The following PLXNC1 variants were observed in gnomAD, a reference collection of about 807,000 sequenced individuals.
PLXNC1 encodes the protein plexin C1.
Under a neutral mutation model 178.2 loss-of-function variants are expected in PLXNC1, and 75 were observed. The ratio of observed to expected loss-of-function variants is 0.42; its 90% CI spans 0.35 to 0.51. The LOEUF (loss-of-function observed/expected upper bound fraction) is 0.51, where lower values mean the gene tolerates loss of function less well. PLXNC1 is among the 20% of genes least tolerant of loss of function. The pLI is 0.02. For synonymous variants in PLXNC1, 790 were observed against 779.9 expected (o/e 1.01, Z -0.22); for missense variants, 1,503 against 1,984.4 (o/e 0.76, Z 4.61).
chr12:94,253,743 G>A (rs752182622), intron 15 of PLXNC1, among the ~76,000 whole-genome samples: 1 of 151,426 alleles, frequency 6.6e-6, no homozygotes, highest in East Asian at 1.9e-4. Context: ...GCACGATCAC[G>A]GCTCACTGCA....
intron 22 of PLXNC1, 46 bp from the exon 23 acceptor site, chr12:94,282,252 T>C: frequency 7.8e-7 from 1 of 1,285,046 alleles, no homozygotes; most frequent in Non-Finnish European, 1.1e-6. Context: ...AGTAAAGTGG[T>C]GGCATTTTAA....
chr12:94,197,437 T>TCTCTC (rs1555198027), intron 4 of PLXNC1, among the ~76,000 whole-genome samples: 5,970 of 148,336 alleles, frequency 0.04, 267 homozygotes, highest in African/African-American at 0.11. Context: ...TTAGGCCCCT[T>TCTCTC]TCTCTCTCTC....
intron 1 of PLXNC1, 61 bp downstream of exon 1, chr12:94,150,094 C>T (rs1463759413): frequency 5.3e-6 from 7 of 1,327,404 alleles, no homozygotes; most frequent in Non-Finnish European, 7.1e-6. Flanking sequence ...CCGCCGCCGC[C>T]GAGGCAGAAC....
At chr12:94,171,427 C>T (rs1294833560) in intron 2 of PLXNC1, among the ~76,000 whole-genome samples, 7 of 152,140 alleles carry the variant, frequency 4.6e-5, no homozygotes, top group Admixed American at 1.3e-4. Flanking sequence ...TATCTTCTAC[C>T]GAATTCAGTC....
intron 23 of PLXNC1, among the ~76,000 whole-genome samples, chr12:94,292,010 T>C (rs1967384372): frequency 6.6e-6 from 1 of 152,246 alleles, no homozygotes; most frequent in Non-Finnish European, 1.5e-5. Context: ...ACTGGCTTCT[T>C]CGCGTGTTTT....
chr12:94,255,395 A>T lies in PLXNC1; in HGVS notation c.3087+99A>T, dbSNP rs903066446. The T allele has an allele frequency of 1.1e-5, 9 of 825,730 alleles. No individual in the cohort carries two copies. The Admixed American group carries it at 1.5e-4, about 14-fold the overall frequency. 51.2% of individuals were successfully genotyped at this position (825,730 alleles called of 1,614,324 possible). ...ACGAGTGTTTGCTTCCAAGGCAGCT[A>T]TAATGTGCTTGGTACAAAAATAATG... is the stretch of plus-strand genomic sequence containing the variant. On this transcript the variant is annotated intron_variant, in intron 17 of 30. Transcript: ENST00000258526.
At chr12:94,246,646 C>T (rs1383105671) in intron 12 of PLXNC1, among the ~76,000 whole-genome samples, 3 of 152,182 alleles carry the variant, frequency 2.0e-5, no homozygotes, top group African/African-American at 7.2e-5. Flanking sequence ...GTGATCCTCT[C>T]ACCTGCAATC....
intron 20 of PLXNC1, among the ~76,000 whole-genome samples, 183 bp from the exon 21 acceptor site, chr12:94,264,896 A>T (rs1308068890): frequency 2.6e-5 from 4 of 152,234 alleles, no homozygotes; most frequent in Non-Finnish European, 4.4e-5. Context: ...TGGAGAGAGG[A>T]GGCGGTTTTC....
chr12:94,282,460 C>T, intron 23 of PLXNC1, 59 bp downstream of exon 23: 1 of 1,144,558 alleles, frequency 8.7e-7, no homozygotes, highest in Admixed American at 1.9e-5. Context: ...GTCCCATGGA[C>T]ATTCTTTTAA....
Position 94,226,399 on chromosome 12 carries a change from G to A in PLXNC1, c.1791-206G>A, listed in dbSNP as rs1322162060. On this transcript the variant is annotated intron_variant, in intron 7 of 30. Transcript: ENST00000258526. ...GGTGACCCAGCTTCAGGTTTCCATGGCAACACCCCTGCAGGTGCCATTCCG... is the reference window on the plus strand; with the variant it reads ...GGTGACCCAGCTTCAGGTTTCCATGACAACACCCCTGCAGGTGCCATTCCG... The A allele has an allele frequency of 1.2e-5, 6 of 498,792 alleles. No individual in the cohort carries two copies. The East Asian group carries it at 2.2e-4, about 18-fold the overall frequency. 30.9% of individuals were successfully genotyped at this position (498,792 alleles called of 1,614,324 possible).
At chr12:94,172,251 C>A (rs912039766) in intron 2 of PLXNC1, among the ~76,000 whole-genome samples, 5 of 152,154 alleles carry the variant, frequency 3.3e-5, no homozygotes, top group African/African-American at 9.7e-5. Flanking sequence ...TCAGCCACAG[C>A]CTGACTCATC....
chr12:94,279,260 A>G (rs1466262373), intron 21 of PLXNC1, among the ~76,000 whole-genome samples: 1 of 152,214 alleles, frequency 6.6e-6, no homozygotes, highest in Non-Finnish European at 1.5e-5. Flanking sequence ...TGCTTGCTCT[A>G]TAATGAGAGT....
chr12:94,197,728 G>T (rs558151699), intron 4 of PLXNC1, among the ~76,000 whole-genome samples: 1 of 152,226 alleles, frequency 6.6e-6, no homozygotes, highest in African/African-American at 2.4e-5. Flanking sequence ...CCTACTACTG[G>T]TTGTACAAGT....
chr12:94,149,658 G>A lies in PLXNC1; in HGVS notation c.687G>A (p.Ala229=), dbSNP rs1592710984. Residue 229 remains alanine (A), a synonymous_variant, in exon 1 of 31, where the codon GCG becomes GCA. Transcript: ENST00000258526. Reference sequence around the variant, plus strand: ...GGCGCCTCAAGCTGTGCGAGGGCGCGGGCAGCCTGCACTTCGTGGACGCCT... The same window carrying A: ...GGCGCCTCAAGCTGTGCGAGGGCGCAGGCAGCCTGCACTTCGTGGACGCCT... ...ELGRLKLCEG[A]GSLHFVDAFL... 2.5e-6 allele frequency: 4 copies of A among 1,606,258 alleles called. No individual in the cohort carries two copies. Among genetic ancestry groups the A allele is most frequent in the Admixed American group, 1.7e-5 (1 of 59,022 alleles).
Position 94,179,657 on chromosome 12 carries a change from C to T in PLXNC1, c.1204-1789C>T, listed in dbSNP as rs541443712. 7.4e-5 allele frequency among the ~76,000 whole-genome samples: 11 copies of T among 148,146 alleles called. No homozygotes were observed. In the Admixed American group the frequency reaches 7.6e-4, roughly 10 times the overall value. On this transcript the variant is annotated intron_variant, in intron 2 of 30. Transcript: ENST00000258526. ...TCAGGAGGCTGAGGCAAGAGAATGG[C>T]TTGAACCTGGGAAGCAGAGGTTGCA...
intron 5 of PLXNC1, among the ~76,000 whole-genome samples, chr12:94,218,804 C>G (rs1309845495): frequency 6.6e-6 from 1 of 152,082 alleles, no homozygotes; most frequent in African/African-American, 2.4e-5. Context: ...ATATGTTTGA[C>G]CACAAGCAAA....
At chr12:94,248,195 T>C (rs1964585618) in intron 13 of PLXNC1, 32 bp from the exon 14 acceptor site, 9 of 1,600,308 alleles carry the variant, frequency 5.6e-6, no homozygotes, top group Non-Finnish European at 7.7e-6. Flanking sequence ...ACATGTGCTC[T>C]GATTTCTCCA....
At chr12:94,287,036 A>G (rs60742569) in intron 23 of PLXNC1, among the ~76,000 whole-genome samples, 32,556 of 152,166 alleles carry the variant, frequency 0.21, 4,008 homozygotes, top group Admixed American at 0.28. Flanking sequence ...TTTCCATGAC[A>G]ATAACCATGG....
intron 2 of PLXNC1, among the ~76,000 whole-genome samples, chr12:94,176,637 C>T (rs1258917041): frequency 6.6e-6 from 1 of 152,072 alleles, no homozygotes; most frequent in Non-Finnish European, 1.5e-5. Flanking sequence ...TTGTTTAAAA[C>T]TCAAAAGAAC....
Sources: gnomAD v4.1 joint callset for allele counts (sites outside exome capture counted in the v4.1 genomes callset) on GRCh38, gnomAD v4.1.1 for gene constraint, MANE v1.5 for transcripts, NCBI Gene and HGNC (gene_info 2026-07-23, HGNC 2026-07-21) for gene names.